The following CSTPP1 variants were observed in gnomAD, a reference collection of about 807,000 sequenced individuals.
CSTPP1 encodes UPF0705 protein C11orf49.
chr11:47,158,125 C>T, the CSTPP1 span: 2 of 578,236 alleles, frequency 3.5e-6, no homozygotes, highest in African/African-American at 3.8e-5. Flanking sequence ...GACAGCCCTC[C>T]CTGCCTGCAG....
the CSTPP1 span, chr11:47,157,318 T>C: frequency 7.6e-7 from 1 of 1,311,252 alleles, no homozygotes; most frequent in Non-Finnish European, 1.0e-6. Flanking sequence ...GGCCCAGGCA[T>C]TCTAGGGCCC....
At chr11:46,994,153 C>G in the CSTPP1 span, among the ~76,000 whole-genome samples, 1 of 152,286 alleles carries the variant, frequency 6.6e-6, no homozygotes, top group East Asian at 1.9e-4. Context: ...GCTGAAGTTG[C>G]TTATCAGCTT....
the CSTPP1 span, among the ~76,000 whole-genome samples, chr11:47,131,696 G>GCCTGGCGCAGTAGCTCATGCCTGTAAT: frequency 1.3e-5 from 2 of 152,166 alleles, no homozygotes; most frequent in African/African-American, 2.4e-5. Flanking sequence ...CAGTGACATG[G>GCCTGGCGCAGTAGCTCATGCCTGTAAT]CCTGGCGCAG....
At chr11:47,127,847 C>T in the CSTPP1 span, among the ~76,000 whole-genome samples, 1 of 151,928 alleles carries the variant, frequency 6.6e-6, no homozygotes, top group Non-Finnish European at 1.5e-5. Context: ...GGACCCAGAT[C>T]GGCTGATTCA....
At chr11:46,955,721 G>C in the CSTPP1 span, among the ~76,000 whole-genome samples, 2 of 151,998 alleles carry the variant, frequency 1.3e-5, no homozygotes, top group Non-Finnish European at 2.9e-5. Context: ...GCCTAGCGTG[G>C]TGGCTCATGC....
At chr11:46,975,772 A>G in the CSTPP1 span, among the ~76,000 whole-genome samples, 2 of 152,270 alleles carry the variant, frequency 1.3e-5, no homozygotes, top group South Asian at 4.1e-4. Flanking sequence ...GGAGATAAAC[A>G]ATATGATCTG....
At chr11:47,157,901 C>T in the CSTPP1 span, 72 of 1,613,946 alleles carry the variant, frequency 4.5e-5, no homozygotes, top group South Asian at 2.0e-4. Context: ...CTCAAAGCAC[C>T]GTGGAATCAA....
At chr11:47,043,966 C>T in the CSTPP1 span, among the ~76,000 whole-genome samples, 1 of 152,116 alleles carries the variant, frequency 6.6e-6, no homozygotes, top group Non-Finnish European at 1.5e-5. Flanking sequence ...TACAATGTAT[C>T]TACCATGTAG....
chr11:46,987,863 A>C, the CSTPP1 span: 1 of 153,266 alleles, frequency 6.5e-6, no homozygotes. Context: ...ATATCTCTAT[A>C]GGAAAACATC....
At chr11:46,969,879 C>T in the CSTPP1 span, among the ~76,000 whole-genome samples, 1 of 152,110 alleles carries the variant, frequency 6.6e-6, no homozygotes, top group Non-Finnish European at 1.5e-5. Flanking sequence ...ATTCTCATGC[C>T]TCAGCCTCCC....
At chr11:47,027,384 G>A in the CSTPP1 span, among the ~76,000 whole-genome samples, 1 of 152,140 alleles carries the variant, frequency 6.6e-6, no homozygotes, top group Admixed American at 6.5e-5. Context: ...CCAATGGGGG[G>A]AAGAGTTTAC....
chr11:47,149,687 GAGAC>G, the CSTPP1 span, among the ~76,000 whole-genome samples: 116 of 152,234 alleles, frequency 7.6e-4, no homozygotes, highest in Non-Finnish European at 1.4e-3. Context: ...CATTCATTTG[GAGAC>G]AGACAGCACA....
At chr11:47,100,541 T>G in the CSTPP1 span, among the ~76,000 whole-genome samples, 1 of 152,312 alleles carries the variant, frequency 6.6e-6, no homozygotes, top group South Asian at 2.1e-4. Flanking sequence ...CCTGTAATCC[T>G]AGCACTTTGG....
chr11:47,029,435 C>T, the CSTPP1 span, among the ~76,000 whole-genome samples: 32 of 151,776 alleles, frequency 2.1e-4, no homozygotes, highest in African/African-American at 5.8e-4. Context: ...GGTGAAACCC[C>T]GTCTCTACTA....
the CSTPP1 span, chr11:46,987,444 T>G: frequency 4.1e-6 from 3 of 739,204 alleles, no homozygotes; most frequent in Non-Finnish European, 7.0e-6. Context: ...GTAGGTTGGT[T>G]GTGGGCCGCC....
the CSTPP1 span, among the ~76,000 whole-genome samples, chr11:47,147,468 C>A: frequency 3.9e-5 from 6 of 152,104 alleles, no homozygotes; most frequent in African/African-American, 1.4e-4. Context: ...GTCTGTGGAC[C>A]AGTTCACCCC....
chr11:47,053,070 GAA>G, the CSTPP1 span: 1 of 153,072 alleles, frequency 6.5e-6, no homozygotes, highest in Non-Finnish European at 1.5e-5. Flanking sequence ...AGAAGGGAGA[GAA>G]AAGTGGAGTA....
chr11:47,065,989 G>GTGTGTGTGTGTGTGT, the CSTPP1 span, among the ~76,000 whole-genome samples: 2 of 151,498 alleles, frequency 1.3e-5, no homozygotes, highest in Non-Finnish European at 2.9e-5. Flanking sequence ...GTGTGTGTGT[G>GTGTGTGTGTGTGTGT]TGTGTGTGTG....
the CSTPP1 span, among the ~76,000 whole-genome samples, chr11:46,962,539 C>A: frequency 6.6e-6 from 1 of 152,272 alleles, no homozygotes; most frequent in Admixed American, 6.5e-5. Context: ...TGCCATTTAA[C>A]AATATTAAGT....
Sources: allele counts gnomAD v4.1 joint callset (sites outside exome capture counted in the v4.1 genomes callset), GRCh38; gene constraint gnomAD v4.1.1; transcripts MANE v1.5; gene names NCBI Gene and HGNC (gene_info 2026-07-23, HGNC 2026-07-21).